The following CUL9 variants were observed in gnomAD, a reference collection of about 807,000 sequenced individuals.
CUL9 encodes the protein cullin 9.
A neutral mutation model predicts 272.6 loss-of-function variants in CUL9; 79 were observed. The observed-to-expected ratio is 0.29, with a 90% CI of 0.24 to 0.35. CUL9 has a LOEUF of 0.35. Among genes scored for constraint, CUL9 ranks in the 10% least tolerant of loss-of-function variants. CUL9 has a pLI of 1.00. For missense variants in CUL9, 2,532 were observed against 3,255.6 expected, an observed-to-expected ratio of 0.78 and a Z score of 5.41; for synonymous variants, 1,186 against 1,286.5, an observed-to-expected ratio of 0.92 and a Z score of 1.67.
chr6:43,222,267 TC>T, intron 35 of CUL9, 48 bp from the exon 36 acceptor site: 1 of 1,504,598 alleles, frequency 6.6e-7, no homozygotes, highest in Non-Finnish European at 9.2e-7. Flanking sequence ...ATTAACTCCC[TC>T]CTGTCCAAAC....
In CUL9 at chr6:43,220,346, C is replaced by T; in HGVS notation, c.6283-113C>T. 1 of 1,270,268 alleles carries T rather than the reference C, an allele frequency of 7.9e-7. No homozygotes were observed. The highest frequency in any genetic ancestry group is 2.3e-5 in the East Asian group (1 of 42,940). 78.7% of individuals were successfully genotyped at this position (1,270,268 alleles called of 1,614,324 possible). On this transcript the variant is annotated intron_variant, in intron 31 of 40. Coordinates refer to ENST00000252050, the MANE Select transcript of CUL9 (RefSeq NM_015089.4). This position sits in a 1 kb window ranked among gnomAD's most constrained non-coding sequence, Gnocchi z 4.9. ...TAGAGGCAGGCTTGTTTCTGGCCTT[C>T]CACGTTGTAGTGGAGGGGAAGGGAA...
Position 43,223,984 on chromosome 6 carries a change from G to A in CUL9, c.7285-111G>A. The A allele has an allele frequency of 1.0e-6, 1 of 981,828 alleles. No individual in the cohort carries two copies. Among genetic ancestry groups the A allele is most frequent in the East Asian group, 2.4e-5 (1 of 41,982 alleles). 60.8% of individuals were successfully genotyped at this position (981,828 alleles called of 1,614,324 possible). On this transcript the variant is annotated intron_variant, in intron 39 of 40. Transcript: ENST00000252050. This position sits in a 1 kb window ranked among gnomAD's most constrained non-coding sequence, Gnocchi z 4.1. ...TTCATGAAGTGCTGTGCTGGGAGGGGAGCAGTCCTAGCAGGAGCTTGGCCC... is the reference window on the plus strand; with the variant it reads ...TTCATGAAGTGCTGTGCTGGGAGGGAAGCAGTCCTAGCAGGAGCTTGGCCC...
chr6:43,185,596 A>G lies in CUL9; in HGVS notation c.736A>G (p.Ile246Val), dbSNP rs745645210. The G allele has an allele frequency of 8.1e-6, 13 of 1,612,462 alleles. No individual in the cohort carries two copies. The Admixed American group carries it at 8.3e-5, about 10-fold the overall frequency. Reference protein sequence around the residue: ...SEEHCMAFEGIHLPQIPGKLL... With the variant: ...SEEHCMAFEGVHLPQIPGKLL... ...AGAACACTGCATGGCCTTTGAGGGC[A>G]TTCATCTGCCTCAGGTACACTGCCA... is the stretch of plus-strand genomic sequence containing the variant. Residue 246 changes from isoleucine (I) to valine (V), a missense_variant, in exon 3 of 41, where the codon ATT (isoleucine) becomes GTT (valine). Ile to Val is a conservative substitution (Grantham distance 29, BLOSUM62 3). Transcript: ENST00000252050.
In CUL9 at chr6:43,191,481, A is replaced by ATTTTTTTTT. The variant is rs34090146; in HGVS notation, c.2181-1504_2181-1496dup. Among the ~76,000 whole-genome samples the ATTTTTTTTT allele has an allele frequency of 2.6e-3, 256 of 97,326 alleles. 6 individuals are homozygous for ATTTTTTTTT. The highest frequency in any genetic ancestry group is 8.1e-3 in the African/African-American group (160 of 19,708). The allele number at this position is 97,326 out of a possible 152,430, so 63.8% of individuals were successfully genotyped here. On this transcript the variant is annotated intron_variant, in intron 8 of 40. Transcript: ENST00000252050. ...AGGAATGAGCCACCACACCCAGCTA[A>ATTTTTTTTT]TTTTTTTTTTTTTTTTTTTTTTTTA...
rs1172286237 is a variant in CUL9, at chr6:43,183,299, A to G, written c.-9-1003A>G. Among the ~76,000 whole-genome samples, 7 of 152,248 alleles carry G rather than the reference A, an allele frequency of 4.6e-5. No individual in the cohort carries two copies. In the Middle Eastern group the frequency reaches 0.01, roughly 222 times the overall value. The stretch of plus-strand genomic sequence containing the variant: ...TATAAGGGCAGGGTGGGACCTGGTC[A>G]TCTTTCCCATAATTTTATCTGGTCC... On this transcript the variant is annotated intron_variant, in intron 1 of 40. Coordinates refer to ENST00000252050, the MANE Select transcript of CUL9 (RefSeq NM_015089.4).
Position 43,185,957 on chromosome 6 carries a change from C to G in CUL9, c.753C>G (p.Ile251Met), listed in dbSNP as rs747610788. Reference protein sequence around the residue: ...MAFEGIHLPQIPGKLLFSLVK... With the variant: ...MAFEGIHLPQMPGKLLFSLVK... ...GTCCCAAGGATTGTGTCTTACAGATCCCAGGAAAGCTGCTTTTCTCCTTGG... is the reference window on the plus strand; with the variant it reads ...GTCCCAAGGATTGTGTCTTACAGATGCCAGGAAAGCTGCTTTTCTCCTTGG... Residue 251 changes from isoleucine to methionine, a missense_variant and splice_region_variant, in exon 4 of 41, where the codon ATC (isoleucine) becomes ATG (methionine). By Grantham distance (10) the Ile-to-Met change is conservative. Coordinates refer to ENST00000252050, the MANE Select transcript of CUL9 (RefSeq NM_015089.4). The G allele has an allele frequency of 6.2e-7, 1 of 1,601,890 alleles. No homozygotes were observed. The highest frequency in any genetic ancestry group is 8.5e-7 in the Non-Finnish European group (1 of 1,172,764).
Position 43,184,415 on chromosome 6 carries a change from T to C in CUL9, c.105T>C (p.His35=). ...GACAGAGGCCTGGGCATGACGGGCA[T>C]CCTGAATACCTGATCCGATGGAGTG... ...LIRQRPGHDG[H]PEYLIRWSVL... is the part of the protein sequence containing the mutation. Residue 35 remains histidine, a synonymous_variant, in exon 2 of 41, where the codon CAT becomes CAC. Coordinates refer to ENST00000252050, the MANE Select transcript of CUL9 (RefSeq NM_015089.4). This position sits in a 1 kb window ranked among gnomAD's most constrained non-coding sequence, Gnocchi z 4.8. 6.2e-7 allele frequency: 1 copy of C among 1,613,710 alleles called. No individual in the cohort carries two copies. The highest frequency in any genetic ancestry group is 8.5e-7 in the Non-Finnish European group (1 of 1,179,786).
At position 43,218,458 on chromosome 6, in the gene CUL9, C is replaced by T. The variant is rs1331595784; in HGVS notation, c.6282+1955C>T. On this transcript the variant is annotated intron_variant, in intron 31 of 40. Coordinates refer to ENST00000252050, the MANE Select transcript of CUL9 (RefSeq NM_015089.4). This position sits in a 1 kb window ranked among gnomAD's most constrained non-coding sequence, Gnocchi z 4.4. ...GTCTCGATCTCCTGACCTCGTGATC[C>T]ACCCACCTCAGCCTCCCAAAGTGCT... Among the ~76,000 whole-genome samples the T allele has an allele frequency of 6.6e-6, 1 of 152,126 alleles. No homozygotes were observed. Among genetic ancestry groups the T allele is most frequent in the Non-Finnish European group, 1.5e-5 (1 of 68,034 alleles).
chr6:43,216,204 C>T lies in CUL9; in HGVS notation c.5983C>T (p.Arg1995Cys), dbSNP rs747840236. 1.5e-5 allele frequency: 24 copies of T among 1,613,166 alleles called. No individual in the cohort carries two copies. The highest frequency in any genetic ancestry group is 3.3e-5 in the South Asian group (3 of 91,046). The change falls in exon 31 of 41, where the codon CGC becomes TGC. Residue 1995 changes from arginine (R) to cysteine (C), a missense_variant. Physicochemically the swap from Arg to Cys is radical, Grantham distance 180. This residue lies in a region of CUL9 where 2,218 missense variants were observed against 2,788.6 expected (regional missense o/e 0.80). Coordinates refer to ENST00000252050, the MANE Select transcript of CUL9 (RefSeq NM_015089.4). ...GGCATCTCTACAGCTGCCTGCAGGC[C>T]GCACCATGAGCCCCCAGGAAGTAGA... ...TLASLQLPAG[R>C]TMSPQEVEGL...
intron 17 of CUL9, 137 bp from the exon 18 acceptor site, chr6:43,202,971 GC>G (rs1774734345): frequency 8.4e-7 from 1 of 1,192,560 alleles, no homozygotes; most frequent in Non-Finnish European, 1.2e-6. Context: ...GATTAGGGAT[GC>G]AGAGCCACGT....
intron 10 of CUL9, 63 bp downstream of exon 10, chr6:43,196,328 C>A: frequency 1.4e-6 from 2 of 1,474,372 alleles, no homozygotes; most frequent in Non-Finnish European, 1.8e-6. Context: ...TACTCCTGTG[C>A]TCCAGGCTCA....
In CUL9 at chr6:43,200,935, C is replaced by T. The variant is rs1774470381; in HGVS notation, c.3647+101C>T. 50 of 1,444,146 alleles carry T rather than the reference C, an allele frequency of 3.5e-5. 2 individuals carry two copies. The South Asian group carries it at 6.0e-4, about 17-fold the overall frequency. The allele number at this position is 1,444,146 out of a possible 1,614,324, so 89.5% of individuals were successfully genotyped here. A position where few individuals can be genotyped will look rare whatever the true frequency, so the allele number is the denominator to read the frequency against. The stretch of plus-strand genomic sequence containing the variant: ...AGCTATAACCCCAATGCCTGAGGGA[C>T]ACACTCAAACCTATTTTGTGCAGTG... On this transcript the variant is annotated intron_variant, in intron 16 of 40. Coordinates refer to ENST00000252050, the MANE Select transcript of CUL9 (RefSeq NM_015089.4). This position sits in a 1 kb window ranked among gnomAD's most constrained non-coding sequence, Gnocchi z 4.0.
chr6:43,186,871 T>C (rs1772969926), intron 4 of CUL9, 89 bp from the exon 5 acceptor site: 3 of 1,510,150 alleles, frequency 2.0e-6, no homozygotes. Flanking sequence ...AGATCTATGC[T>C]TGGGCATGTC....
At chr6:43,222,932 C>G in intron 38 of CUL9, 36 bp downstream of exon 38, 1 of 1,564,318 alleles carries the variant, frequency 6.4e-7, no homozygotes, top group Non-Finnish European at 8.8e-7. Flanking sequence ...CTCCTCCTGC[C>G]TCCTCCCCTC....
At position 43,184,582 on chromosome 6, in the gene CUL9, A is replaced by T; in HGVS notation, c.272A>T (p.His91Leu). ...GERALSKGLQ[H>L]EPAGVSGSFP... ...CGGGCACTATCTAAGGGACTTCAGC[A>T]CGAACCAGCTGGGGTTTCAGGAAGC... The change falls in exon 2 of 41, where the codon CAC becomes CTC. Residue 91 changes from histidine to leucine, a missense_variant. Physicochemically the swap from His to Leu is moderately conservative, Grantham distance 99. Around this residue, in one of 3 missense-constraint regions of CUL9, gnomAD observed 2,218 missense variants for 2,788.6 expected, o/e 0.80. Coordinates refer to ENST00000252050, the MANE Select transcript of CUL9 (RefSeq NM_015089.4). The surrounding 1 kb of genome is among the most constrained non-coding windows in gnomAD (Gnocchi z 4.8). 2 of 1,613,058 alleles carry T rather than the reference A, an allele frequency of 1.2e-6. No homozygotes were observed. Among genetic ancestry groups the T allele is most frequent in the Non-Finnish European group, 1.7e-6 (2 of 1,179,148 alleles).
At position 43,202,728 on chromosome 6, in the gene CUL9, G is replaced by A. The variant is rs1234068656; in HGVS notation, c.3660G>A (p.Leu1220=). The A allele has an allele frequency of 1.9e-6, 3 of 1,614,102 alleles. No individual in the cohort carries two copies. The highest frequency in any genetic ancestry group is 2.5e-6 in the Non-Finnish European group (3 of 1,179,976). Residue 1220 remains leucine, a synonymous_variant, in exon 17 of 41, where the codon TTG becomes TTA. Transcript: ENST00000252050. ...TCTTCTTTCCCAGGCAGCTCACTTTGCTGGTGGCCAGTGAGGACTCAAGCT... is the reference window on the plus strand; with the variant it reads ...TCTTCTTTCCCAGGCAGCTCACTTTACTGGTGGCCAGTGAGGACTCAAGCT... ...HRGVLVRQLT[L]LVASEDSSYM... is the part of the protein sequence containing the mutation.
chr6:43,211,217 G>A (rs564986017), intron 26 of CUL9, among the ~76,000 whole-genome samples: 18 of 152,146 alleles, frequency 1.2e-4, no homozygotes, highest in African/African-American at 3.4e-4. Context: ...TTTAGTCACC[G>A]TTTCCTTTGC....
chr6:43,183,705 T>TCTTCCTTCCTTCCTTC (rs59921107), intron 1 of CUL9, among the ~76,000 whole-genome samples: 3 of 147,148 alleles, frequency 2.0e-5, no homozygotes, highest in Non-Finnish European at 3.0e-5. Flanking sequence ...TTCCTTCCTT[T>TCTTCCTTCCTTCCTTC]CTTCCTTCCT....
At chr6:43,215,629 C>T (rs1195164774) in intron 30 of CUL9, among the ~76,000 whole-genome samples, 1 of 152,182 alleles carries the variant, frequency 6.6e-6, no homozygotes, top group Non-Finnish European at 1.5e-5. Flanking sequence ...AACCAGCACC[C>T]CTAAAGCTTT....
Sources: allele counts gnomAD v4.1 joint callset (sites outside exome capture counted in the v4.1 genomes callset), GRCh38; gene constraint gnomAD v4.1.1; regional missense constraint gnomAD v4.1.1; non-coding constraint Gnocchi (gnomAD v3.1); transcripts MANE v1.5; gene names NCBI Gene and HGNC (gene_info 2026-07-23, HGNC 2026-07-21).